Variants in SYS1 observed in about 807,000 individuals in gnomAD.
The protein encoded by SYS1 is protein SYS1 homolog.
Under a neutral mutation model 17.8 loss-of-function variants are expected in SYS1, and 8 were observed. The observed-to-expected ratio is 0.45, with a 90% CI of 0.26 to 0.81. The LOEUF is 0.81. Among genes scored for constraint, SYS1 ranks in the 40% least tolerant of loss-of-function variants. The pLI, the probability that SYS1 is intolerant of heterozygous loss-of-function variation, is 0.16. For missense variants in SYS1, 161 were observed against 203.9 expected, an observed-to-expected ratio of 0.79 and a Z score of 1.28; for synonymous variants, 95 against 90.9, an observed-to-expected ratio of 1.05 and a Z score of -0.26.
chr20:45,373,631 G>A, downstream of SYS1: 1 of 469,566 alleles, frequency 2.1e-6, no homozygotes, highest in Non-Finnish European at 3.9e-6. Context: ...AGCTCGCGGG[G>A]CGATTGTGAG....
chr20:45,375,268 T>C, exon 4 of SYS1: 1 of 1,614,160 alleles, frequency 6.2e-7, no homozygotes, highest in East Asian at 2.2e-5. Context: ...TCGGGGGCCC[T>C]CGGTGAGTGG....
At chr20:45,364,295 T>A (rs1238548359) in intron 2 of SYS1, among the ~76,000 whole-genome samples, 1 of 151,740 alleles carries the variant, frequency 6.6e-6, no homozygotes, top group African/African-American at 2.4e-5. Flanking sequence ...TGCTTCCCCT[T>A]TCTGAGCCTT....
exon 4 of SYS1, chr20:45,375,057 A>G (rs1191300928): frequency 6.2e-7 from 1 of 1,613,808 alleles, no homozygotes; most frequent in Admixed American, 1.7e-5. Flanking sequence ...GATGCCACAT[A>G]GGCATTTCAA....
At chr20:45,375,085 C>T (rs140811424) in exon 4 of SYS1, 8 of 1,614,090 alleles carry the variant, frequency 5.0e-6, no homozygotes, top group East Asian at 2.2e-5. Flanking sequence ...GGAGCAGAAG[C>T]GGGTGCAGCG....
chr20:45,365,489 C>G (rs950894051), intron 2 of SYS1, 130 bp from the exon 3 acceptor site: 1 of 867,574 alleles, frequency 1.2e-6, no homozygotes, highest in Non-Finnish European at 2.0e-6. Flanking sequence ...AATAGGCTGC[C>G]GTACAGATGT....
chr20:45,365,710 C>T (rs760852110), intron 3 of SYS1, 24 bp downstream of exon 3: 21 of 1,611,756 alleles, frequency 1.3e-5, no homozygotes, highest in Admixed American at 1.0e-4. Flanking sequence ...GTTTTGCTAT[C>T]CAGCTTTTGG....
At chr20:45,362,851 G>A (rs565761319), upstream of SYS1, among the ~76,000 whole-genome samples, 62 of 152,266 alleles carry the variant, frequency 4.1e-4, no homozygotes, top group African/African-American at 1.4e-3. Flanking sequence ...TGAGAATTTA[G>A]GCTGAAAATA....
chr20:45,375,588 ACCGAGGCCCTGGTTC>A, exon 4 of SYS1: 1 of 1,570,516 alleles, frequency 6.4e-7, no homozygotes, highest in African/African-American at 1.4e-5. Flanking sequence ...GCACAGCAGG[ACCGAGGCCCTGGTTC>A]CCGAGACAGT....
downstream of SYS1, chr20:45,373,829 CTCTT>C: frequency 7.0e-7 from 1 of 1,426,832 alleles, no homozygotes; most frequent in Non-Finnish European, 9.9e-7. Flanking sequence ...TACCGAAGGC[CTCTT>C]TCCTTCATCC....
At chr20:45,365,817 G>C in intron 3 of SYS1, 131 bp downstream of exon 3, 1 of 875,092 alleles carries the variant, frequency 1.1e-6, no homozygotes, top group Non-Finnish European at 1.9e-6. Flanking sequence ...ACAGAGGCCA[G>C]TTCTGGGACC....
At chr20:45,373,827 GC>G, downstream of SYS1, 1 of 1,373,002 alleles carries the variant, frequency 7.3e-7, no homozygotes, top group Non-Finnish European at 1.0e-6. Flanking sequence ...TCTACCGAAG[GC>G]CTCTTTCCTT....
At chr20:45,369,408 G>A (rs1988510276), downstream of SYS1, among the ~76,000 whole-genome samples, 1 of 152,024 alleles carries the variant, frequency 6.6e-6, no homozygotes, top group Non-Finnish European at 1.5e-5. Flanking sequence ...ATTTTGAAGA[G>A]GTCAGTAGTT....
exon 4 of SYS1, chr20:45,374,381 C>T (rs1212840620): frequency 3.2e-6 from 2 of 631,120 alleles, no homozygotes; most frequent in Non-Finnish European, 5.6e-6. Context: ...AAGCGATCCT[C>T]CGACCTCAGC....
chr20:45,374,275 T>G (rs755473299), intron 3 of SYS1: 14 of 698,122 alleles, frequency 2.0e-5, no homozygotes, highest in Non-Finnish European at 1.0e-5. Flanking sequence ...AATCTTTTTT[T>G]CCTTTCTTTT....
chr20:45,368,996 G>A lies in SYS1; in HGVS notation c.*1881G>A. 1 of 673,376 alleles carries A rather than the reference G, an allele frequency of 1.5e-6. No individual in the cohort carries two copies. The highest frequency in any genetic ancestry group is 1.8e-6 in the Non-Finnish European group (1 of 544,454). The allele number at this position is 673,376 out of a possible 1,614,324, so 41.7% of individuals were successfully genotyped here. ...GAGTGTTAATTTGATTTTTAGAAAT[G>A]GCCAAAAGTCACGTGATCCAAACTT... is the stretch of plus-strand genomic sequence containing the variant. On this transcript the variant is annotated 3_prime_UTR_variant, in exon 4 of 4. Transcript: ENST00000243918.
exon 4 of SYS1, chr20:45,376,765 A>AT (rs1263362544): frequency 1.3e-5 from 2 of 152,204 alleles, no homozygotes; most frequent in Admixed American, 6.5e-5. Context: ...GCATGGTAAA[A>AT]AAAAATAAAA....
upstream of SYS1, chr20:45,363,073 T>G: frequency 6.1e-6 from 6 of 988,328 alleles, no homozygotes; most frequent in Non-Finnish European, 7.2e-6. Flanking sequence ...TGTACCTGGT[T>G]CAGGAGGTTC....
exon 4 of SYS1, chr20:45,375,439 T>C (rs1332402092): frequency 4.3e-6 from 7 of 1,614,160 alleles, no homozygotes; most frequent in Non-Finnish European, 5.1e-6. Flanking sequence ...GTACTCTTTT[T>C]TCTTAGGGTC....
rs7099 is a variant in SYS1 at position 45,369,006 on chromosome 20, C to A, written c.*1891C>A. ...TTGATTTTTAGAAATGGCCAAAAGT[C>A]ACGTGATCCAAACTTTTTTTCAGTA... is the stretch of plus-strand genomic sequence containing the variant. On this transcript the variant is annotated 3_prime_UTR_variant, in exon 4 of 4. Coordinates refer to ENST00000243918, the MANE Select transcript of SYS1 (RefSeq NM_033542.4). The A allele has an allele frequency of 0.76, 395,346 of 517,190 alleles. 151,630 individuals carry two copies. Among genetic ancestry groups the A allele is most frequent in the African/African-American group, 0.84 (40,458 of 48,402 alleles). 32.0% of individuals were successfully genotyped at this position (517,190 alleles called of 1,614,324 possible). A position where few individuals can be genotyped will look rare whatever the true frequency, so the allele number is the denominator to read the frequency against.
Sources: gnomAD v4.1 joint callset for allele counts (sites outside exome capture counted in the v4.1 genomes callset) on GRCh38, gnomAD v4.1.1 for gene constraint, MANE v1.5 for transcripts, NCBI Gene and HGNC (gene_info 2026-07-23, HGNC 2026-07-21) for gene names.